The following ERH variants were observed in gnomAD, a reference collection of about 807,000 sequenced individuals.
ERH encodes the protein enhancer of rudimentary homolog.
A neutral mutation model predicts 16.8 loss-of-function variants in ERH; 1 was observed. The observed-to-expected ratio is 0.06, with a 90% CI of 0.02 to 0.28. The LOEUF (loss-of-function observed/expected upper bound fraction) is 0.28, where lower values mean the gene tolerates loss of function less well. Ranked by LOEUF, ERH falls within the 10% of genes least tolerant of loss-of-function variation. The probability of loss-of-function intolerance (pLI) is 1.00; values close to 1 mark genes in which losing one functional copy is unlikely to be tolerated. For missense variants in ERH, 42 were observed against 127.5 expected (o/e 0.33, Z 3.23); for synonymous variants, 43 against 43.6 (o/e 0.99, Z 0.05).
At position 69,381,973 on chromosome 14, in the gene ERH, G is replaced by A. The variant is rs185660383; in HGVS notation, c.213-1333C>T. Among the ~76,000 whole-genome samples, 336 of 152,312 alleles carry A rather than the reference G, an allele frequency of 2.2e-3. 2 individuals are homozygous for A. The highest frequency in any genetic ancestry group is 7.8e-3 in the African/African-American group (326 of 41,566). ...CCCAAAGTGCTGGGATTACAGGCGT[G>A]AGCCACCGCACCTGGCCTCCTTTTT... On this transcript the variant is annotated intron_variant, in intron 3 of 3. Coordinates refer to ENST00000557016, the MANE Select transcript of ERH (RefSeq NM_004450.3).
intron 3 of ERH, among the ~76,000 whole-genome samples, chr14:69,385,715 A>G (rs940992810): frequency 1.4e-4 from 21 of 151,344 alleles, no homozygotes; most frequent in African/African-American, 5.1e-4. Flanking sequence ...ATTCCCTTCC[A>G]TACACTGAAA....
At chr14:69,386,785 C>G in intron 3 of ERH, 178 bp downstream of exon 3, 1 of 515,672 alleles carries the variant, frequency 1.9e-6, no homozygotes, top group Non-Finnish European at 3.2e-6. Context: ...TTTTCTGTGC[C>G]TTTGGCTTTA....
At chr14:69,392,381 T>C (rs1882240162) in intron 2 of ERH, among the ~76,000 whole-genome samples, 1 of 152,108 alleles carries the variant, frequency 6.6e-6, no homozygotes, top group Non-Finnish European at 1.5e-5. Flanking sequence ...GGGGGAAACA[T>C]AATAAATGCA....
rs149933095 is a variant in ERH, at chr14:69,388,732, T to G, written c.92-1649A>C. Among the ~76,000 whole-genome samples, 476 of 152,318 alleles carry G rather than the reference T, an allele frequency of 3.1e-3. 4 individuals are homozygous for G. The highest frequency in any genetic ancestry group is 0.011 in the African/African-American group (462 of 41,572). On this transcript the variant is annotated intron_variant, in intron 2 of 3. Coordinates refer to ENST00000557016, the MANE Select transcript of ERH (RefSeq NM_004450.3). ...CAGTCTATTCCCGCTGTCAACTATT[T>G]TAAGACTACTATGATGAATGGCTAA...
At chr14:69,381,077 T>G (rs2045860615) in intron 3 of ERH, among the ~76,000 whole-genome samples, 1 of 151,886 alleles carries the variant, frequency 6.6e-6, no homozygotes, top group South Asian at 2.1e-4. Flanking sequence ...AGGTCAGGAG[T>G]TCAAGACTAG....
chr14:69,395,656 C>T lies in ERH; in HGVS notation c.4-744G>A, dbSNP rs114397582. On this transcript the variant is annotated intron_variant, in intron 1 of 3. Transcript: ENST00000557016. ...TCAACTTAAGCTTTTTTTCCAACCT[C>T]AGCGTAAGAGCAAAGTCACATTTTA... 3.1e-3 allele frequency among the ~76,000 whole-genome samples: 476 copies of T among 152,300 alleles called. 4 individuals carry two copies. The highest frequency in any genetic ancestry group is 0.011 in the African/African-American group (462 of 41,562).
chr14:69,393,162 C>CT (rs1229683469), intron 2 of ERH, among the ~76,000 whole-genome samples: 60 of 152,190 alleles, frequency 3.9e-4, no homozygotes, highest in African/African-American at 1.3e-3. Flanking sequence ...ACTAAAAATA[C>CT]AAAAATTAGC....
chr14:69,385,303 G>GAATT (rs1232996912), intron 3 of ERH, among the ~76,000 whole-genome samples: 2 of 152,094 alleles, frequency 1.3e-5, no homozygotes, highest in Non-Finnish European at 2.9e-5. Context: ...ATGCATCCCT[G>GAATT]AATTAATTGC....
intron 2 of ERH, among the ~76,000 whole-genome samples, chr14:69,387,762 A>G (rs934362364): frequency 3.3e-5 from 5 of 151,586 alleles, no homozygotes; most frequent in Middle Eastern, 3.4e-3. Context: ...ATCCTAGACT[A>G]GGCCGGGCAC....
At chr14:69,385,572 T>TA (rs1172318476) in intron 3 of ERH, among the ~76,000 whole-genome samples, 3 of 149,670 alleles carry the variant, frequency 2.0e-5, no homozygotes, top group South Asian at 2.1e-4. Context: ...TTTTCCCACT[T>TA]AAAAAAAAGC....
At position 69,380,505 on chromosome 14, in the gene ERH, C is replaced by T. The variant is rs1594885116; in HGVS notation, c.*33G>A. On this transcript the variant is annotated 3_prime_UTR_variant, in exon 4 of 4. Transcript: ENST00000557016. ...ACGCTGTACACACCTGTGTTCCAAG[C>T]CCACCCCAACCCCCCCAGTGCTTCC... The T allele has an allele frequency of 1.1e-6, 1 of 920,704 alleles. No individual in the cohort carries two copies. The highest frequency in any genetic ancestry group is 1.8e-6 in the Non-Finnish European group (1 of 551,238). The allele number at this position is 920,704 out of a possible 1,614,324, so 57.0% of individuals were successfully genotyped here. A position where few individuals can be genotyped will look rare whatever the true frequency, so the allele number is the denominator to read the frequency against.
chr14:69,393,880 G>GT (rs2140234029), intron 2 of ERH, among the ~76,000 whole-genome samples: 1 of 152,296 alleles, frequency 6.6e-6, no homozygotes, highest in Non-Finnish European at 1.5e-5. Flanking sequence ...AATTAGCCAG[G>GT]TGTGGCGGCA....
At chr14:69,390,612 C>A (rs545241215) in intron 2 of ERH, among the ~76,000 whole-genome samples, 3 of 152,164 alleles carry the variant, frequency 2.0e-5, no homozygotes, top group African/African-American at 7.2e-5. Context: ...ATATTTGTGA[C>A]CTTGGATAAA....
intron 2 of ERH, 65 bp downstream of exon 2, chr14:69,394,760 T>C: frequency 1.6e-6 from 2 of 1,218,640 alleles, no homozygotes; most frequent in Non-Finnish European, 2.4e-6. Context: ...AAAAAAAATT[T>C]GGAGGGGAAA....
chr14:69,398,007 G>C (rs1296653954), intron 1 of ERH: 2 of 614,454 alleles, frequency 3.3e-6, no homozygotes, highest in Non-Finnish European at 5.8e-6. Flanking sequence ...CGCCGGACCC[G>C]AGCGAGCAGG....
intron 2 of ERH, among the ~76,000 whole-genome samples, chr14:69,392,283 A>G (rs1566900976): frequency 1.3e-5 from 2 of 152,006 alleles, no homozygotes; most frequent in Admixed American, 6.5e-5. Context: ...TAATTATTTT[A>G]ACATTTTTTT....
chr14:69,382,198 T>A (rs2140227748), intron 3 of ERH, among the ~76,000 whole-genome samples: 1 of 152,310 alleles, frequency 6.6e-6, no homozygotes, highest in African/African-American at 2.4e-5. Context: ...ATATTCTTCC[T>A]CTGAACAGTA....
intron 2 of ERH, among the ~76,000 whole-genome samples, chr14:69,393,933 A>T (rs1302474515): frequency 6.6e-6 from 1 of 151,466 alleles, no homozygotes; most frequent in Non-Finnish European, 1.5e-5. Context: ...AGGCAGGAGG[A>T]CTGCTTGAGC....
chr14:69,395,503 C>A (rs1300117814), intron 1 of ERH, among the ~76,000 whole-genome samples: 1 of 152,138 alleles, frequency 6.6e-6, no homozygotes, highest in Admixed American at 6.5e-5. Context: ...AAATTATAAA[C>A]CTGCTTAGGT....
Sources: allele counts gnomAD v4.1 joint callset (sites outside exome capture counted in the v4.1 genomes callset), GRCh38; gene constraint gnomAD v4.1.1; transcripts MANE v1.5; gene names NCBI Gene and HGNC (gene_info 2026-07-23, HGNC 2026-07-21).